Variants in EIF2AK4 observed in about 807,000 individuals in gnomAD.
EIF2AK4 encodes eIF-2-alpha kinase GCN2.
A neutral mutation model predicts 211.1 loss-of-function variants in EIF2AK4; 139 were observed. The observed-to-expected ratio is 0.66, with a 90% CI of 0.57 to 0.76. The LOEUF (loss-of-function observed/expected upper bound fraction) is 0.76. EIF2AK4 is among the 30% of genes least tolerant of loss of function. The pLI, the probability that EIF2AK4 is intolerant of heterozygous loss-of-function variation, is 0.00. For missense variants in EIF2AK4, 1,664 were observed against 2,043.8 expected (o/e 0.81, Z 3.58); for synonymous variants, 710 against 751.3 (o/e 0.94, Z 0.90).
rs768944097 is a variant in EIF2AK4, at chr15:39,990,288, G to A, written c.2542G>A (p.Asp848Asn). 6.2e-7 allele frequency: 1 copy of A among 1,614,018 alleles called. No individual in the cohort carries two copies. Among genetic ancestry groups the A allele is most frequent in the East Asian group, 2.2e-5 (1 of 44,894 alleles). Reference sequence around the variant, plus strand: ...CTTTCAACAGGGAATGATTCACCGGGATTTGAAGCCTGTCAACATTTTTTT... The same window carrying A: ...CTTTCAACAGGGAATGATTCACCGGAATTTGAAGCCTGTCAACATTTTTTT... ...YIHEKGMIHR[D>N]LKPVNIFLDS... The change falls in exon 16 of 39, where the codon GAT becomes AAT. Residue 848 changes from aspartate to asparagine, a missense_variant. This residue lies in a region of EIF2AK4 where 622 missense variants were observed against 796.8 expected (regional missense o/e 0.78). Coordinates refer to ENST00000263791, the MANE Select transcript of EIF2AK4 (RefSeq NM_001013703.4).
At position 40,017,139 on chromosome 15, in the gene EIF2AK4, T is replaced by C. The variant is rs750240212; in HGVS notation, c.3962T>C (p.Val1321Ala). ...ATCAATTTGGGCTTGGTTTACAAGG[T>C]GCAGCAGCACAATGGAATCATCTTC... Reference protein sequence around the residue: ...VLINLGLVYKVQQHNGIIFQF... With the variant: ...VLINLGLVYKAQQHNGIIFQF... The change falls in exon 29 of 39, where the codon GTG (valine) becomes GCG (alanine). Residue 1321 changes from valine (V) to alanine (A), a missense_variant. Val to Ala is a moderately conservative substitution (Grantham distance 64). Coordinates refer to ENST00000263791, the MANE Select transcript of EIF2AK4 (RefSeq NM_001013703.4). 1.2e-6 allele frequency: 2 copies of C among 1,614,032 alleles called. No homozygotes were observed. The highest frequency in any genetic ancestry group is 1.7e-6 in the Non-Finnish European group (2 of 1,179,900).
chr15:40,014,641 G>C (rs1034753270), intron 27 of EIF2AK4, among the ~76,000 whole-genome samples: 3 of 152,178 alleles, frequency 2.0e-5, no homozygotes, highest in Non-Finnish European at 2.9e-5. Flanking sequence ...GTGATGGGAG[G>C]GCCTGCCATG....
chr15:40,027,748 G>T (rs1243472269), intron 33 of EIF2AK4, among the ~76,000 whole-genome samples: 4 of 152,030 alleles, frequency 2.6e-5, no homozygotes, highest in Admixed American at 2.6e-4. Context: ...AAAATTAGCG[G>T]GGCATGGTGG....
At chr15:40,027,153 A>G (rs1346763335) in intron 33 of EIF2AK4, among the ~76,000 whole-genome samples, 2 of 152,236 alleles carry the variant, frequency 1.3e-5, no homozygotes, top group Non-Finnish European at 2.9e-5. Context: ...AAATTAACTT[A>G]GTAAGGAAAA....
At chr15:40,025,911 G>A in intron 32 of EIF2AK4, 66 bp from the exon 33 acceptor site, 1 of 1,461,282 alleles carries the variant, frequency 6.8e-7, no homozygotes, top group Non-Finnish European at 9.5e-7. Context: ...TCTTACTGTG[G>A]TGCTCTGAGC....
intron 16 of EIF2AK4, among the ~76,000 whole-genome samples, chr15:39,990,898 A>G (rs17721809): frequency 0.28 from 42,093 of 152,120 alleles, 5,944 homozygotes; most frequent in Non-Finnish European, 0.31. Context: ...AGAGCACAGC[A>G]TAAGCAGAGG....
intron 6 of EIF2AK4, among the ~76,000 whole-genome samples, chr15:39,958,769 A>G (rs1217345847): frequency 6.6e-6 from 1 of 152,186 alleles, no homozygotes; most frequent in Non-Finnish European, 1.5e-5. Context: ...CCTGTGTCTC[A>G]GATAAGATCC....
At chr15:39,937,404 C>T (rs1166927419) in intron 1 of EIF2AK4, among the ~76,000 whole-genome samples, 2 of 152,076 alleles carry the variant, frequency 1.3e-5, no homozygotes, top group Non-Finnish European at 2.9e-5. Context: ...GTGAACTGCT[C>T]ATACTCTGGT....
chr15:40,001,181 T>C lies in EIF2AK4; in HGVS notation c.3116T>C (p.Ile1039Thr). ...ATGGCCCAGATCTTCTCGCAGCGCA[T>C]CTCCCCTGCCATCGATTACACCTAT... ...TMMAQIFSQR[I>T]SPAIDYTYDS... Residue 1039 changes from isoleucine to threonine, a missense_variant, in exon 21 of 39, where the codon ATC (isoleucine) becomes ACC (threonine). Physicochemically the swap from Ile to Thr is moderately conservative, Grantham distance 89 (BLOSUM62 -1). This residue lies in a region of EIF2AK4 where 622 missense variants were observed against 796.8 expected (regional missense o/e 0.78). Coordinates refer to ENST00000263791, the MANE Select transcript of EIF2AK4 (RefSeq NM_001013703.4). 8 of 1,613,884 alleles carry C rather than the reference T, an allele frequency of 5.0e-6. No individual in the cohort carries two copies. Among genetic ancestry groups the C allele is most frequent in the Non-Finnish European group, 6.8e-6 (8 of 1,179,990 alleles).
At chr15:40,002,587 T>C in intron 21 of EIF2AK4, 126 bp from the exon 22 acceptor site, 1 of 925,986 alleles carries the variant, frequency 1.1e-6, no homozygotes, top group Non-Finnish European at 1.8e-6. Context: ...GGGATGGACT[T>C]GTCAAGACTT....
intron 26 of EIF2AK4, 94 bp downstream of exon 26, chr15:40,009,824 C>A: frequency 1.1e-6 from 1 of 915,458 alleles, no homozygotes; most frequent in South Asian, 1.5e-5. Context: ...CCCATGCAGC[C>A]ATGAAACTGA....
At chr15:39,934,944 G>A (rs1566978318) in intron 1 of EIF2AK4, among the ~76,000 whole-genome samples, 1 of 152,218 alleles carries the variant, frequency 6.6e-6, no homozygotes, top group Non-Finnish European at 1.5e-5. Context: ...GTAGTAGAGA[G>A]AGGGTTCTAG....
chr15:39,950,849 A>T lies in EIF2AK4; in HGVS notation c.513+1581A>T, dbSNP rs1236852049. 3.3e-5 allele frequency among the ~76,000 whole-genome samples: 5 copies of T among 152,294 alleles called. No homozygotes were observed. In the East Asian group the frequency reaches 7.7e-4, roughly 23 times the overall value. ...GAAAGAGAAGAATTTACTTGTTTTT[A>T]AAAAAATCCAAATACTGGCATTATC... On this transcript the variant is annotated intron_variant, in intron 4 of 38. Coordinates refer to ENST00000263791, the MANE Select transcript of EIF2AK4 (RefSeq NM_001013703.4).
At chr15:40,027,834 TG>T (rs1325848468) in intron 33 of EIF2AK4, among the ~76,000 whole-genome samples, 1 of 151,046 alleles carries the variant, frequency 6.6e-6, no homozygotes, top group Non-Finnish European at 1.5e-5. Context: ...GAGCTTGCAG[TG>T]AGTGGAGATC....
chr15:40,028,107 C>T (rs1195017569), intron 33 of EIF2AK4, among the ~76,000 whole-genome samples: 4 of 148,730 alleles, frequency 2.7e-5, no homozygotes, highest in African/African-American at 5.0e-5. Flanking sequence ...TAGAGTCTCA[C>T]TTTTGCCGAG....
chr15:40,030,417 G>A lies in EIF2AK4; in HGVS notation c.4620G>A (p.Glu1540=). The A allele has an allele frequency of 6.2e-7, 1 of 1,614,138 alleles. No homozygotes were observed. Among genetic ancestry groups the A allele is most frequent in the Non-Finnish European group, 8.5e-7 (1 of 1,180,026 alleles). Residue 1540 remains glutamate (E), a synonymous_variant, in exon 35 of 39, where the codon GAG becomes GAA. Transcript: ENST00000263791. The part of the protein sequence containing the change: ...VVPIVSVLAP[E]KLSASTRRRY... The stretch of plus-strand genomic sequence containing the variant: ...CCATTGTGAGTGTGCTAGCCCCGGA[G>A]AAGCTGTCAGCCAGCACTAGGAGGC...
chr15:40,029,181 T>G (rs1418716679), intron 33 of EIF2AK4: 3 of 339,342 alleles, frequency 8.8e-6, no homozygotes, highest in African/African-American at 6.7e-5. Flanking sequence ...ATGTTTTCCT[T>G]AGGCATTTGT....
chr15:40,008,188 C>T lies in EIF2AK4; in HGVS notation c.3569C>T (p.Ala1190Val), dbSNP rs1416137121. Reference sequence around the variant, plus strand: ...TATGAAATCATCCAAGAGTTTCCAGCACTTCAGGTTCCTTTCCATATTTTA... The same window carrying T: ...TATGAAATCATCCAAGAGTTTCCAGTACTTCAGGTTCCTTTCCATATTTTA... ...TIYEIIQEFPALQERNYSIYL... is the reference protein window; with the variant it reads ...TIYEIIQEFPVLQERNYSIYL... Residue 1190 changes from alanine (A) to valine (V), a missense_variant, in exon 25 of 39, where the codon GCA (alanine) becomes GTA (valine). Physicochemically the swap from Ala to Val is moderately conservative, Grantham distance 64 (BLOSUM62 0). Around this residue, in one of 7 missense-constraint regions of EIF2AK4, gnomAD observed 622 missense variants for 796.8 expected, o/e 0.78. Coordinates refer to ENST00000263791, the MANE Select transcript of EIF2AK4 (RefSeq NM_001013703.4). 1.9e-6 allele frequency: 3 copies of T among 1,597,596 alleles called. No individual in the cohort carries two copies. Among genetic ancestry groups the T allele is most frequent in the East Asian group, 2.3e-5 (1 of 44,264 alleles).
At chr15:39,972,794 C>G in intron 9 of EIF2AK4, 114 bp from the exon 10 acceptor site, 1 of 753,988 alleles carries the variant, frequency 1.3e-6, no homozygotes, top group Non-Finnish European at 2.2e-6. Context: ...CTTTGAGTAA[C>G]ATGAATTCTA....
Sources: allele counts gnomAD v4.1 joint callset (sites outside exome capture counted in the v4.1 genomes callset), GRCh38; gene constraint gnomAD v4.1.1; regional missense constraint gnomAD v4.1.1; transcripts MANE v1.5; gene names NCBI Gene and HGNC (gene_info 2026-07-23, HGNC 2026-07-21).